Variants in CEP44 observed in about 807,000 individuals in gnomAD.
CEP44 encodes centrosomal protein 44.
CEP44 carries 45 observed loss-of-function variants against 46.7 expected under a neutral mutation model. The ratio of observed to expected loss-of-function variants is 0.96; its 90% confidence interval spans 0.76 to 1.24. CEP44 has a LOEUF of 1.24. Among genes scored for constraint, CEP44 ranks in the 50% most tolerant of loss-of-function variants. The pLI, the probability that CEP44 is intolerant of heterozygous loss-of-function variation, is 0.00. For synonymous variants in CEP44, 142 were observed against 146.0 expected (o/e 0.97, Z 0.20); for missense variants, 475 against 459.7 (o/e 1.03, Z -0.30).
At position 174,326,742 on chromosome 4, in the gene CEP44, G is replaced by A. The variant is rs72993327; in HGVS notation, c.1087-4740G>A. Among the ~76,000 whole-genome samples, 2,267 of 151,964 alleles carry A rather than the reference G, an allele frequency of 0.015. 53 individuals carry two copies. The highest frequency in any genetic ancestry group is 0.05 in the African/African-American group (2,084 of 41,470). On this transcript the variant is annotated intron_variant, in intron 8 of 8. Transcript: ENST00000426172. The surrounding 1 kb of genome is among the most constrained non-coding windows in gnomAD (Gnocchi z 4.8). ...ATTTCACCTTCATTTTCAAATGAAG[G>A]ATACAATTTTAGGTGAATAGGGATT...
rs1741038797 is a variant in CEP44, at chr4:174,311,180, TAGG to T, written c.961+323_961+325del. 3.3e-5 allele frequency among the ~76,000 whole-genome samples: 5 copies of T among 151,978 alleles called. No homozygotes were observed. The highest frequency in any genetic ancestry group is 3.3e-4 in the Admixed American group (5 of 15,248). On this transcript the variant is annotated intron_variant, in intron 9 of 11. Transcript: ENST00000503780. The surrounding 1 kb of genome is among the most constrained non-coding windows in gnomAD (Gnocchi z 4.4). The stretch of plus-strand genomic sequence containing the variant: ...CCAAGTTTTTAAATTTAAGCTTAGG[TAGG>T]TAGTAGCTTTCTCATATGTAAATAA...
intron 6 of CEP44, among the ~76,000 whole-genome samples, chr4:174,305,211 T>C (rs1647369800): frequency 1.3e-5 from 2 of 152,210 alleles, no homozygotes; most frequent in South Asian, 4.1e-4. Context: ...CCCAGCACTT[T>C]GGGAGGCCAA....
At position 174,299,147 on chromosome 4, in the gene CEP44, G is replaced by C. The variant is rs377466253; in HGVS notation, c.26G>C (p.Ser9Thr). The C allele has an allele frequency of 3.1e-5, 50 of 1,613,510 alleles. No individual in the cohort carries two copies. The highest frequency in any genetic ancestry group is 4.0e-5 in the Non-Finnish European group (47 of 1,179,678). ...ATGGCAACAGGTGACTTAAAAAGAAGCTTACGGAACCTAGAACAGGTGCTC... is the reference window on the plus strand; with the variant it reads ...ATGGCAACAGGTGACTTAAAAAGAACCTTACGGAACCTAGAACAGGTGCTC... MATGDLKR[S>T]LRNLEQVLRL... Residue 9 changes from serine (S) to threonine (T), a missense_variant, in exon 3 of 12, where the codon AGC becomes ACC. Physicochemically the swap from Ser to Thr is moderately conservative, Grantham distance 58. Coordinates refer to ENST00000503780, the MANE Select transcript of CEP44 (RefSeq NM_001040157.3).
rs535460359 is a variant in CEP44 at position 174,318,695 on chromosome 4, T to G, written c.*1312T>G. On this transcript the variant is annotated 3_prime_UTR_variant, in exon 12 of 12. Transcript: ENST00000503780. ...GTATGTATAATTCTATATTACACTG[T>G]CAAATATAAAATATTGTTATATGAG... The G allele has an allele frequency of 1.5e-6, 1 of 672,852 alleles. No individual in the cohort carries two copies. Among genetic ancestry groups the G allele is most frequent in the South Asian group, 7.0e-5 (1 of 14,346 alleles). The allele number at this position is 672,852 out of a possible 1,614,324, so 41.7% of individuals were successfully genotyped here. A position where few individuals can be genotyped will look rare whatever the true frequency, so the allele number is the denominator to read the frequency against.
In CEP44 at chr4:174,329,263, T is replaced by C. The variant is rs1291861856; in HGVS notation, c.1087-2219T>C. 6.6e-6 allele frequency among the ~76,000 whole-genome samples: 1 copy of C among 152,024 alleles called. No homozygotes were observed. Among genetic ancestry groups the C allele is most frequent in the Non-Finnish European group, 1.5e-5 (1 of 68,014 alleles). On this transcript the variant is annotated intron_variant, in intron 8 of 8. Coordinates refer to the CEP44 transcript ENST00000426172. The surrounding 1 kb of genome is among the most constrained non-coding windows in gnomAD (Gnocchi z 4.0). ...ACCAAGCTGGCCCTATACTTTTCCATTTTATTAGGAAGATGATTCAGGATG... is the reference window on the plus strand; with the variant it reads ...ACCAAGCTGGCCCTATACTTTTCCACTTTATTAGGAAGATGATTCAGGATG...
downstream of CEP44, among the ~76,000 whole-genome samples, chr4:174,321,469 G>A (rs1742311629): frequency 6.6e-6 from 1 of 151,982 alleles, no homozygotes; most frequent in Non-Finnish European, 1.5e-5. Flanking sequence ...TGTAAGCTTT[G>A]TACAAATAAC....
chr4:174,302,371 G>A (rs1337546322), intron 4 of CEP44, among the ~76,000 whole-genome samples, 185 bp downstream of exon 4: 3 of 152,062 alleles, frequency 2.0e-5, no homozygotes, highest in African/African-American at 7.2e-5. Flanking sequence ...CTTTTTGAAT[G>A]TTACCTATTC....
intron 8 of CEP44, among the ~76,000 whole-genome samples, chr4:174,328,951 CTTTTT>C (rs111735912): frequency 1.3e-5 from 2 of 151,644 alleles, no homozygotes; most frequent in Non-Finnish European, 2.9e-5. Context: ...TTTTCCTTTT[CTTTTT>C]TTTCTTTTAA....
Position 174,299,183 on chromosome 4 carries a change from A to G in CEP44, c.62A>G (p.Asn21Ser), listed in dbSNP as rs1322206940. The G allele has an allele frequency of 5.0e-6, 8 of 1,613,838 alleles. No individual in the cohort carries two copies. The East Asian group carries it at 1.6e-4, about 31-fold the overall frequency. ...RNLEQVLRLL[N>S]YPEEVDCVGL... ...CTAGAACAGGTGCTCCGCTTGCTAAATTATCCTGAAGAGGTGGACTGTGTA... is the reference window on the plus strand; with the variant it reads ...CTAGAACAGGTGCTCCGCTTGCTAAGTTATCCTGAAGAGGTGGACTGTGTA... The change falls in exon 3 of 12, where the codon AAT becomes AGT. Residue 21 changes from asparagine (N) to serine (S), a missense_variant. Asn to Ser is a conservative substitution (Grantham distance 46). Transcript: ENST00000503780.
chr4:174,319,639 T>C lies in CEP44; in HGVS notation c.*2256T>C. On this transcript the variant is annotated 3_prime_UTR_variant, in exon 12 of 12. Coordinates refer to ENST00000503780, the MANE Select transcript of CEP44 (RefSeq NM_001040157.3). ...AATATAAGTAAGTATATATTGAAAA[T>C]ATAAAATATTTCATATATGTTATCA... 7.5e-6 allele frequency: 5 copies of C among 666,064 alleles called. No homozygotes were observed. Among genetic ancestry groups the C allele is most frequent in the Non-Finnish European group, 7.4e-6 (4 of 538,146 alleles). 41.3% of individuals were successfully genotyped at this position (666,064 alleles called of 1,614,324 possible).
Position 174,301,249 on chromosome 4 carries a change from C to T in CEP44, c.90-790C>T, listed in dbSNP as rs1293099699. Reference sequence around the variant, plus strand: ...TGTAACTGGCAAATTGAACAAATACCTCCTGTGCTTTGTTGTGGGAAAATC... The same window carrying T: ...TGTAACTGGCAAATTGAACAAATACTTCCTGTGCTTTGTTGTGGGAAAATC... On this transcript the variant is annotated intron_variant, in intron 3 of 11. Transcript: ENST00000503780. The surrounding 1 kb of genome is among the most constrained non-coding windows in gnomAD (Gnocchi z 4.3). Among the ~76,000 whole-genome samples the T allele has an allele frequency of 1.3e-5, 2 of 152,026 alleles. No individual in the cohort carries two copies. Among genetic ancestry groups the T allele is most frequent in the Non-Finnish European group, 2.9e-5 (2 of 67,972 alleles).
intron 1 of CEP44, among the ~76,000 whole-genome samples, chr4:174,284,660 C>G (rs1433690975): frequency 6.6e-6 from 1 of 152,110 alleles, no homozygotes; most frequent in Admixed American, 6.5e-5. Context: ...TGTGTGAACA[C>G]AGCAGTCCCG....
chr4:174,319,555 TAC>T lies in CEP44; in HGVS notation c.*2178_*2179del, dbSNP rs1452572896. Reference sequence around the variant, plus strand: ...TTTTTTTCTTTATATAGTGCAGATATACACACAGAGAAGGGACTTAAAACATT... The same window carrying T: ...TTTTTTTCTTTATATAGTGCAGATATACACAGAGAAGGGACTTAAAACATT... On this transcript the variant is annotated 3_prime_UTR_variant, in exon 12 of 12. Coordinates refer to ENST00000503780, the MANE Select transcript of CEP44 (RefSeq NM_001040157.3). The T allele has an allele frequency of 3.6e-6, 3 of 827,368 alleles. No homozygotes were observed. The East Asian group carries it at 3.7e-4, about 103-fold the overall frequency. 51.3% of individuals were successfully genotyped at this position (827,368 alleles called of 1,614,324 possible). A position where few individuals can be genotyped will look rare whatever the true frequency, so the allele number is the denominator to read the frequency against.
At chr4:174,321,318 C>T (rs114368176), downstream of CEP44, among the ~76,000 whole-genome samples, 597 of 152,246 alleles carry the variant, frequency 3.9e-3, 4 homozygotes, top group Middle Eastern at 0.014. Context: ...CAGCTTCTTG[C>T]AATTCACATT....
intron 6 of CEP44, 104 bp downstream of exon 6, chr4:174,304,473 G>A (rs887918363): frequency 6.9e-7 from 1 of 1,446,268 alleles, no homozygotes; most frequent in African/African-American, 1.5e-5. Flanking sequence ...ATTCTAGTTA[G>A]ATATTGGAGT....
intron 5 of CEP44, 136 bp downstream of exon 5, chr4:174,303,985 C>T: frequency 1.4e-6 from 1 of 719,382 alleles, no homozygotes; most frequent in Non-Finnish European, 2.2e-6. Flanking sequence ...ATTTGAGTAA[C>T]CTTATAAAGC....
chr4:174,311,069 T>C lies in CEP44; in HGVS notation c.961+211T>C, dbSNP rs1008951778. 2.6e-5 allele frequency among the ~76,000 whole-genome samples: 4 copies of C among 152,042 alleles called. No individual in the cohort carries two copies. The highest frequency in any genetic ancestry group is 4.4e-5 in the Non-Finnish European group (3 of 67,906). ...AACATAGTGGGTGAATAAATTTCAG[T>C]GTACAAAATTGAAAATTTTTAGAGA... On this transcript the variant is annotated intron_variant, in intron 9 of 11. Coordinates refer to ENST00000503780, the MANE Select transcript of CEP44 (RefSeq NM_001040157.3). The surrounding 1 kb of genome is among the most constrained non-coding windows in gnomAD (Gnocchi z 4.4).
intron 1 of CEP44, among the ~76,000 whole-genome samples, chr4:174,294,725 A>ACCCCCCC (rs1456880643): frequency 9.5e-6 from 1 of 105,596 alleles, no homozygotes; most frequent in Admixed American, 9.2e-5. Context: ...CGGGGGGCTG[A>ACCCCCCC]CCACCCCCCA....
Position 174,314,972 on chromosome 4 carries a change from A to G in CEP44, c.962-1194A>G, listed in dbSNP as rs1741493295. Among the ~76,000 whole-genome samples the G allele has an allele frequency of 6.6e-6, 1 of 152,182 alleles. No homozygotes were observed. The highest frequency in any genetic ancestry group is 2.1e-4 in the South Asian group (1 of 4,832). ...ACACCACGAGTTAGTTAGTCAAATGATATTGAGCCTGGGCCGGGCTGGCCA... is the reference window on the plus strand; with the variant it reads ...ACACCACGAGTTAGTTAGTCAAATGGTATTGAGCCTGGGCCGGGCTGGCCA... On this transcript the variant is annotated intron_variant, in intron 9 of 11. Transcript: ENST00000503780. This position sits in a 1 kb window ranked among gnomAD's most constrained non-coding sequence, Gnocchi z 4.1.
Sources: allele counts gnomAD v4.1 joint callset (sites outside exome capture counted in the v4.1 genomes callset), GRCh38; gene constraint gnomAD v4.1.1; non-coding constraint Gnocchi (gnomAD v3.1); transcripts MANE v1.5; gene names NCBI Gene and HGNC (gene_info 2026-07-23, HGNC 2026-07-21).